The following ZNF236 variants were observed in gnomAD, a reference collection of about 807,000 sequenced individuals.
The protein encoded by ZNF236 is regulated by glucose.
A neutral mutation model predicts 191.2 loss-of-function variants in ZNF236; 50 were observed. The observed-to-expected ratio is 0.26, with a 90% confidence interval of 0.21 to 0.33. ZNF236 has a LOEUF of 0.33. ZNF236 is among the 10% of genes least tolerant of loss of function. The pLI is 1.00. For missense variants in ZNF236, 1,754 were observed against 2,374.5 expected (o/e 0.74, Z 5.43); for synonymous variants, 907 against 928.8 (o/e 0.98, Z 0.43).
chr18:76,971,557 A>G lies in ZNF236; in HGVS notation c.*3218A>G, dbSNP rs2123000928. Reference sequence around the variant, plus strand: ...AAACTTGATCTTTGAAATTATAGCTAGTGTTCTGTGTCTTCCTTTGAACTC... The same window carrying G: ...AAACTTGATCTTTGAAATTATAGCTGGTGTTCTGTGTCTTCCTTTGAACTC... On this transcript the variant is annotated 3_prime_UTR_variant, in exon 31 of 31. Transcript: ENST00000320610. Among the ~76,000 whole-genome samples the G allele has an allele frequency of 6.6e-6, 1 of 152,330 alleles. No individual in the cohort carries two copies. The highest frequency in any genetic ancestry group is 2.1e-4 in the South Asian group (1 of 4,824).
intron 3 of ZNF236, among the ~76,000 whole-genome samples, chr18:76,865,407 T>G (rs986192538): frequency 3.3e-5 from 5 of 152,120 alleles, no homozygotes; most frequent in African/African-American, 1.2e-4. Flanking sequence ...TCCAAGAAAC[T>G]TACTCCAAAC....
Position 76,968,644 on chromosome 18 carries a change from A to T in ZNF236, c.*305A>T. ...TTCACGAAGCAATTAACTGGGTCTTACTATCATTGTAGTGTGATTTCTTTG... is the reference window on the plus strand; with the variant it reads ...TTCACGAAGCAATTAACTGGGTCTTTCTATCATTGTAGTGTGATTTCTTTG... On this transcript the variant is annotated 3_prime_UTR_variant, in exon 31 of 31. Transcript: ENST00000320610. 9.0e-7 allele frequency: 1 copy of T among 1,108,598 alleles called. No individual in the cohort carries two copies. The highest frequency in any genetic ancestry group is 1.7e-5 in the African/African-American group (1 of 60,024). 68.7% of individuals were successfully genotyped at this position (1,108,598 alleles called of 1,614,324 possible).
intron 16 of ZNF236, among the ~76,000 whole-genome samples, chr18:76,911,290 A>T (rs1182218941): frequency 4.9e-5 from 4 of 82,092 alleles, no homozygotes; most frequent in Non-Finnish European, 9.9e-5. Flanking sequence ...GCTTTTGGAA[A>T]TTTCTTAATA....
chr18:76,890,378 A>G (rs1189926605), intron 9 of ZNF236, among the ~76,000 whole-genome samples: 1 of 152,228 alleles, frequency 6.6e-6, no homozygotes, highest in South Asian at 2.1e-4. Flanking sequence ...TTGACCCAGT[A>G]CTATTGTCCA....
intron 25 of ZNF236, among the ~76,000 whole-genome samples, chr18:76,936,901 C>T (rs1288935818): frequency 6.6e-6 from 1 of 151,482 alleles, no homozygotes; most frequent in East Asian, 1.9e-4. Context: ...CACATTTTCA[C>T]TCTTTGTTTA....
intron 11 of ZNF236, among the ~76,000 whole-genome samples, chr18:76,901,195 A>G (rs1367293955): frequency 6.6e-6 from 1 of 152,220 alleles, no homozygotes; most frequent in Non-Finnish European, 1.5e-5. Flanking sequence ...GTTTTACAAA[A>G]CTTATAAAAA....
chr18:76,846,483 A>G (rs1975685712), intron 1 of ZNF236, among the ~76,000 whole-genome samples: 1 of 152,214 alleles, frequency 6.6e-6, no homozygotes, highest in Non-Finnish European at 1.5e-5. Flanking sequence ...AGCGAAGGGA[A>G]CTGGCTCCCT....
At chr18:76,958,476 A>T (rs1020194056) in intron 28 of ZNF236, among the ~76,000 whole-genome samples, 1 of 152,192 alleles carries the variant, frequency 6.6e-6, no homozygotes, top group Non-Finnish European at 1.5e-5. Context: ...CCCACTGGAC[A>T]GTCTGTTCCC....
chr18:76,948,096 G>C (rs1968311266), intron 27 of ZNF236, among the ~76,000 whole-genome samples: 1 of 152,118 alleles, frequency 6.6e-6, no homozygotes, highest in South Asian at 2.1e-4. Context: ...GTGTGTTCAA[G>C]ATCTGTCATT....
chr18:76,894,483 A>G (rs907716417), intron 9 of ZNF236, among the ~76,000 whole-genome samples: 9 of 152,222 alleles, frequency 5.9e-5, no homozygotes, highest in Non-Finnish European at 1.3e-4. Flanking sequence ...ACTTGATTCA[A>G]AATTGAGTAA....
At chr18:76,908,636 C>G (rs1184138368) in intron 14 of ZNF236, 63 bp downstream of exon 14, 1 of 1,541,324 alleles carries the variant, frequency 6.5e-7, no homozygotes, top group Admixed American at 1.8e-5. Context: ...CTTTCCCACT[C>G]ATTGCAGTCC....
chr18:76,861,735 A>AG (rs2058614568), intron 3 of ZNF236, among the ~76,000 whole-genome samples: 1 of 152,194 alleles, frequency 6.6e-6, no homozygotes, highest in African/African-American at 2.4e-5. Context: ...TCCTTCTCCT[A>AG]GGGGTCCCCC....
At chr18:76,830,112 A>G (rs1197871050) in intron 1 of ZNF236, among the ~76,000 whole-genome samples, 4 of 151,764 alleles carry the variant, frequency 2.6e-5, no homozygotes, top group African/African-American at 7.2e-5. Context: ...CTTGTGATCC[A>G]CCCACCTCGG....
intron 3 of ZNF236, among the ~76,000 whole-genome samples, chr18:76,859,087 T>G (rs1599338578): frequency 1.0e-4 from 2 of 19,060 alleles, no homozygotes; most frequent in African/African-American, 2.6e-4. Context: ...CGGGTGCAGG[T>G]GGAGGAGGAA....
intron 3 of ZNF236, 49 bp downstream of exon 3, chr18:76,851,988 C>T (rs1348451542): frequency 6.5e-6 from 10 of 1,527,116 alleles, no homozygotes; most frequent in East Asian, 2.3e-5. Flanking sequence ...TGTTAAAATA[C>T]ATCTGATCAT....
chr18:76,850,295 T>G (rs7236466), intron 2 of ZNF236, among the ~76,000 whole-genome samples: 67,507 of 151,948 alleles, frequency 0.44, 15,256 homozygotes, highest in East Asian at 0.53. Context: ...AAAAACACCA[T>G]GGACCTCCTT....
At chr18:76,936,118 G>A in intron 25 of ZNF236, 1 of 455,992 alleles carries the variant, frequency 2.2e-6, no homozygotes, top group Admixed American at 2.4e-5. Flanking sequence ...CTGGACTGAT[G>A]TGACCCAAGT....
intron 5 of ZNF236, among the ~76,000 whole-genome samples, chr18:76,874,443 C>T (rs1976661902): frequency 8.5e-5 from 13 of 152,158 alleles, no homozygotes; most frequent in Admixed American, 7.8e-4. Context: ...CAGATCCGTA[C>T]TGCATGCTAG....
intron 1 of ZNF236, among the ~76,000 whole-genome samples, chr18:76,829,240 A>G (rs1975094929): frequency 6.6e-6 from 1 of 152,284 alleles, no homozygotes; most frequent in South Asian, 2.1e-4. Flanking sequence ...GTTTTGTCAT[A>G]GAACTTTTCT....
Sources: allele counts gnomAD v4.1 joint callset (sites outside exome capture counted in the v4.1 genomes callset), GRCh38; gene constraint gnomAD v4.1.1; transcripts MANE v1.5; gene names NCBI Gene and HGNC (gene_info 2026-07-23, HGNC 2026-07-21).